Variants in TRIM74 observed in about 807,000 individuals in gnomAD.
The protein encoded by TRIM74 is tripartite motif containing 74.
In TRIM74, 3 loss-of-function variants were observed where a neutral mutation model predicts 14.5. The observed-to-expected ratio is 0.21, with a 90% CI of 0.09 to 0.53. The LOEUF is 0.53. Ranked by LOEUF, TRIM74 falls within the 20% of genes least tolerant of loss-of-function variation. The pLI, the probability that TRIM74 is intolerant of heterozygous loss-of-function variation, is 0.95. For synonymous variants in TRIM74, 10 were observed against 71.3 expected (o/e 0.14, Z 4.33); for missense variants, 26 against 174.0 (o/e 0.15, Z 4.79).
intron 1 of TRIM74, 150 bp from the exon 2 acceptor site, chr7:72,966,325 T>G (rs1363366665): frequency 1.5e-5 from 6 of 409,050 alleles, no homozygotes; most frequent in South Asian, 6.7e-5. Context: ...ACCTTGGGCC[T>G]CAGTTTCCAC....
chr7:72,963,857 T>C (rs1407849619), intron 2 of TRIM74, among the ~76,000 whole-genome samples: 1 of 53,832 alleles, frequency 1.9e-5, no homozygotes, highest in Non-Finnish European at 3.7e-5. Context: ...TCACCTGCAG[T>C]TGGCTTCCAC....
intron 1 of TRIM74, among the ~76,000 whole-genome samples, chr7:72,967,482 A>T (rs1484270051): frequency 1.3e-5 from 2 of 150,412 alleles, no homozygotes; most frequent in Non-Finnish European, 3.0e-5. Context: ...GCTGGTCTTC[A>T]ACTTCTGGGC....
chr7:72,965,876 G>A lies in TRIM74; in HGVS notation c.282C>T (p.Asn94=), dbSNP rs782368547. ...CCTTCTCGCAGAAAAGGCTGAGCGG[G>A]TTCCGGTGGTGCACGCAGACCTTGG... The part of the protein sequence containing the change: ...PEPKVCVHHR[N]PLSLFCEKDQ... The change falls in exon 2 of 5, where the codon AAC becomes AAT. Residue 94 remains asparagine, a synonymous_variant. Coordinates refer to ENST00000285805, the MANE Select transcript of TRIM74 (RefSeq NM_198853.3). The A allele has an allele frequency of 9.7e-6, 3 of 307,774 alleles. 1 individual carries two copies. The highest frequency in any genetic ancestry group is 9.6e-5 in the South Asian group (3 of 31,174). The allele number at this position is 307,774 out of a possible 1,614,324, so 19.1% of individuals were successfully genotyped here. A position where few individuals can be genotyped will look rare whatever the true frequency, so the allele number is the denominator to read the frequency against.
downstream of TRIM74, chr7:72,955,087 G>GTA (rs56757405): frequency 8.8e-4 from 266 of 301,788 alleles, 1 homozygote; most frequent in East Asian, 2.9e-3. Flanking sequence ...GTGTATGTGT[G>GTA]TATATATATA....
At chr7:72,963,778 GGACA>G (rs1244646870) in intron 2 of TRIM74, among the ~76,000 whole-genome samples, 4 of 132,416 alleles carry the variant, frequency 3.0e-5, no homozygotes, top group East Asian at 2.0e-4. Context: ...TAACTACAAA[GGACA>G]GACAATCTCC....
At chr7:72,962,694 A>G (rs1798190006) in intron 2 of TRIM74, among the ~76,000 whole-genome samples, 1 of 140,646 alleles carries the variant, frequency 7.1e-6, no homozygotes, top group Admixed American at 7.0e-5. Context: ...AAAAAAAAAA[A>G]AAAAAGAGAA....
At position 72,967,170 on chromosome 7, in the gene TRIM74, C is replaced by G. The variant is rs543895411; in HGVS notation, c.-18-995G>C. On this transcript the variant is annotated intron_variant, in intron 1 of 4. Transcript: ENST00000285805. ...GACTAGGCACACTGTCCACACCTCA[C>G]GACCCCGACAGGAGCAGACAGGTGC... 3.9e-5 allele frequency among the ~76,000 whole-genome samples: 6 copies of G among 152,414 alleles called. No homozygotes were observed. In the South Asian group the frequency reaches 1.0e-3, roughly 26 times the overall value.
chr7:72,955,670 A>G (rs1194063177), downstream of TRIM74, among the ~76,000 whole-genome samples: 2 of 147,106 alleles, frequency 1.4e-5, no homozygotes, highest in Admixed American at 6.8e-5. Context: ...CAAAGCCACA[A>G]TAACGGTTTT....
At chr7:72,966,507 G>T (rs1554507295) in intron 1 of TRIM74, among the ~76,000 whole-genome samples, 1 of 97,444 alleles carries the variant, frequency 1.0e-5, no homozygotes, top group Non-Finnish European at 1.8e-5. Context: ...GCAAGGTCCA[G>T]CCCCAGCATG....
chr7:72,955,111 A>ATATATATTTTTT (rs1346659193), downstream of TRIM74: 1 of 112,068 alleles, frequency 8.9e-6, no homozygotes, highest in African/African-American at 4.1e-5. Context: ...ATATATATAT[A>ATATATATTTTTT]TTTTTTTTTT....
chr7:72,963,767 C>G (rs1186895146), intron 2 of TRIM74, among the ~76,000 whole-genome samples: 1,636 of 138,358 alleles, frequency 0.012, 23 homozygotes, highest in Non-Finnish European at 0.015. Flanking sequence ...CTGCTGGATC[C>G]TAACTACAAA....
chr7:72,964,013 G>A (rs1156562169), intron 2 of TRIM74, among the ~76,000 whole-genome samples: 4 of 26,364 alleles, frequency 1.5e-4, no homozygotes, highest in Admixed American at 3.9e-4. Flanking sequence ...ACACTCAGCC[G>A]GTGTTCCTGC....
Position 72,967,795 on chromosome 7 carries a change from T to TTA in TRIM74, c.-19+1489_-19+1490insTA, listed in dbSNP as rs1159362275. On this transcript the variant is annotated intron_variant, in intron 1 of 4. Coordinates refer to ENST00000285805, the MANE Select transcript of TRIM74 (RefSeq NM_198853.3). Reference sequence around the variant, plus strand: ...CCTGGCCTCTTTTTTTTTTTTTTTTTAAAGATTTGAAGGTATCTTTATTTA... The same window carrying TTA: ...CCTGGCCTCTTTTTTTTTTTTTTTTTTAAAAGATTTGAAGGTATCTTTATTTA... Among the ~76,000 whole-genome samples the TTA allele has an allele frequency of 6.4e-3, 25 of 3,924 alleles. 1 individual carries two copies. The highest frequency in any genetic ancestry group is 0.036 in the East Asian group (20 of 548). 2.6% of individuals were successfully genotyped at this position (3,924 alleles called of 152,430 possible).
chr7:72,962,680 C>CAA (rs1306834410), intron 2 of TRIM74, among the ~76,000 whole-genome samples: 1 of 50,086 alleles, frequency 2.0e-5, no homozygotes, highest in African/African-American at 8.1e-5. Context: ...GACTCCGTCT[C>CAA]AAAAAAAAAA....
chr7:72,955,289 G>T (rs1253344869), downstream of TRIM74, among the ~76,000 whole-genome samples: 1 of 126,216 alleles, frequency 7.9e-6, no homozygotes, highest in African/African-American at 3.2e-5. Flanking sequence ...TAGAGACGGG[G>T]TTTCACCATG....
chr7:72,963,400 C>T (rs1297527813), intron 2 of TRIM74, among the ~76,000 whole-genome samples: 7 of 146,414 alleles, frequency 4.8e-5, no homozygotes, highest in Middle Eastern at 3.4e-3. Flanking sequence ...GGCAGACAGA[C>T]GGGACTCATT....
chr7:72,955,112 T>TATATATATATATATATA (rs1491401490), downstream of TRIM74: 5 of 123,940 alleles, frequency 4.0e-5, no homozygotes, highest in South Asian at 2.8e-4. Flanking sequence ...TATATATATA[T>TATATATATATATATATA]TTTTTTTTTT....
rs2530463 is a variant in TRIM74, at chr7:72,969,157, C to T, written c.-19+128G>A. The T allele has an allele frequency of 6.9e-4, 144 of 209,346 alleles. 1 individual carries two copies. Among genetic ancestry groups the T allele is most frequent in the Non-Finnish European group, 9.4e-4 (96 of 101,814 alleles). 13.0% of individuals were successfully genotyped at this position (209,346 alleles called of 1,614,324 possible). A position where few individuals can be genotyped will look rare whatever the true frequency, so the allele number is the denominator to read the frequency against. On this transcript the variant is annotated intron_variant, in intron 1 of 4. Coordinates refer to ENST00000285805, the MANE Select transcript of TRIM74 (RefSeq NM_198853.3). ...CAAAAGTGCTTCCCCTGTGCCCTGA[C>T]GGCCTCGCCATGTGTCCCATCATGC...
At chr7:72,955,102 TATA>T (rs1386254238), downstream of TRIM74, 2 of 166,732 alleles carry the variant, frequency 1.2e-5, no homozygotes, top group East Asian at 1.3e-4. Context: ...TATATATATA[TATA>T]TATATATTTT....
Sources: allele counts gnomAD v4.1 joint callset (sites outside exome capture counted in the v4.1 genomes callset), GRCh38; gene constraint gnomAD v4.1.1; transcripts MANE v1.5; gene names NCBI Gene and HGNC (gene_info 2026-07-23, HGNC 2026-07-21).